The following GRID2 variants were observed in gnomAD, a reference collection of about 807,000 sequenced individuals.
The protein encoded by GRID2 is glutamate receptor ionotropic, delta-2.
A neutral mutation model predicts 114.8 loss-of-function variants in GRID2; 33 were observed. The observed-to-expected ratio is 0.29, with a 90% CI of 0.22 to 0.38. GRID2 has a LOEUF of 0.38. Ranked by LOEUF, GRID2 falls within the 10% of genes least tolerant of loss-of-function variation. The pLI is 1.00. For synonymous variants in GRID2, 505 were observed against 449.9 expected (o/e 1.12, Z -1.55); for missense variants, 1,184 against 1,257.7 (o/e 0.94, Z 0.89).
chr4:93,218,512 A>G (rs1197720122), intron 6 of GRID2, among the ~76,000 whole-genome samples: 4 of 152,084 alleles, frequency 2.6e-5, no homozygotes, highest in African/African-American at 9.7e-5. Context: ...CCCTATTTCA[A>G]AATAAATAGA....
intron 14 of GRID2, among the ~76,000 whole-genome samples, chr4:93,741,834 G>A (rs1261228486): frequency 4.0e-5 from 6 of 149,470 alleles, no homozygotes; most frequent in Non-Finnish European, 8.8e-5. Context: ...TGAAGCAGTA[G>A]AATCACTTGA....
intron 1 of GRID2, among the ~76,000 whole-genome samples, chr4:93,805,688 G>A (rs1031785462): frequency 1.3e-5 from 2 of 152,206 alleles, no homozygotes; most frequent in African/African-American, 4.8e-5. Flanking sequence ...TTCACAGTTT[G>A]TGTCCACATT....
intron 2 of GRID2, among the ~76,000 whole-genome samples, chr4:92,942,762 C>G (rs1751263486): frequency 6.6e-6 from 1 of 152,102 alleles, no homozygotes; most frequent in Non-Finnish European, 1.5e-5. Flanking sequence ...TAGGGCAGGC[C>G]TGGTGTTGAC....
At chr4:93,286,994 A>T (rs910253327) in intron 8 of GRID2, among the ~76,000 whole-genome samples, 1 of 152,096 alleles carries the variant, frequency 6.6e-6, no homozygotes, top group Non-Finnish European at 1.5e-5. Flanking sequence ...AAATGATAGT[A>T]TTATTGTGAA....
At chr4:93,626,478 A>T in intron 14 of GRID2, 43 bp downstream of exon 14, 1 of 1,316,274 alleles carries the variant, frequency 7.6e-7, no homozygotes, top group East Asian at 2.4e-5. Context: ...GATGAAATTT[A>T]GACAAAGAAT....
intron 1 of GRID2, among the ~76,000 whole-genome samples, chr4:92,365,204 T>C (rs1404424375): frequency 2.6e-5 from 4 of 152,164 alleles, no homozygotes; most frequent in Admixed American, 2.0e-4. Context: ...GCATTATTCA[T>C]AATGGCCAAG....
At position 92,304,716 on chromosome 4, in the gene GRID2, G is replaced by T; in HGVS notation, c.60G>T (p.Ser20=). 2 of 1,613,176 alleles carry T rather than the reference G, an allele frequency of 1.2e-6. No individual in the cohort carries two copies. The highest frequency in any genetic ancestry group is 1.7e-6 in the Non-Finnish European group (2 of 1,179,204). ...LSVWWSRTWD[S]ANADSIIHIG... ...TCTGGTGGTCTCGAACCTGGGACTCGGCGAATGCGGATTCGATCATTCACA... is the reference window on the plus strand; with the variant it reads ...TCTGGTGGTCTCGAACCTGGGACTCTGCGAATGCGGATTCGATCATTCACA... The change falls in exon 1 of 16, where the codon TCG becomes TCT. Residue 20 remains serine, a synonymous_variant. Transcript: ENST00000282020.
At chr4:93,182,880 G>T (rs1247042893) in intron 4 of GRID2, among the ~76,000 whole-genome samples, 1 of 152,208 alleles carries the variant, frequency 6.6e-6, no homozygotes, top group East Asian at 1.9e-4. Flanking sequence ...CAAAGTGTTA[G>T]AAAGCAAATT....
chr4:93,188,742 A>G (rs889506062), intron 4 of GRID2, among the ~76,000 whole-genome samples: 3 of 152,292 alleles, frequency 2.0e-5, no homozygotes, highest in Non-Finnish European at 4.4e-5. Flanking sequence ...AGCAATTTAG[A>G]GAAGCCATGC....
chr4:92,754,617 A>C (rs1287227973), intron 2 of GRID2, among the ~76,000 whole-genome samples: 1 of 152,158 alleles, frequency 6.6e-6, no homozygotes, highest in Non-Finnish European at 1.5e-5. Context: ...GACACAGTAC[A>C]AAACACTGTA....
At chr4:93,320,109 T>C (rs1235518876) in intron 8 of GRID2, among the ~76,000 whole-genome samples, 3 of 152,110 alleles carry the variant, frequency 2.0e-5, no homozygotes, top group Non-Finnish European at 4.4e-5. Flanking sequence ...CAAAAGGATC[T>C]GTATGGAATA....
At chr4:93,238,632 C>T in intron 8 of GRID2, 142 bp downstream of exon 8, 1 of 577,070 alleles carries the variant, frequency 1.7e-6, no homozygotes, top group Non-Finnish European at 2.9e-6. Context: ...GGAAATTAGG[C>T]ATTGAAATGA....
rs115656967 is a variant in GRID2, at chr4:92,693,611, G to C, written c.244+103325G>C. ...GACTATATTCCCATCTTAAGTTAGA[G>C]AATACTGAGACTCACAGACATTTAG... On this transcript the variant is annotated intron_variant, in intron 2 of 15. Transcript: ENST00000282020. Among the ~76,000 whole-genome samples the C allele has an allele frequency of 5.9e-5, 9 of 152,246 alleles. No individual in the cohort carries two copies. In the East Asian group the frequency reaches 1.4e-3, roughly 23 times the overall value.
chr4:92,849,033 G>A (rs929245823), intron 2 of GRID2, among the ~76,000 whole-genome samples: 5 of 151,890 alleles, frequency 3.3e-5, no homozygotes, highest in Non-Finnish European at 7.4e-5. Flanking sequence ...TCTGTTATAA[G>A]AGGCTTAATA....
chr4:93,270,613 T>C (rs1751348115), intron 8 of GRID2, among the ~76,000 whole-genome samples: 1 of 152,012 alleles, frequency 6.6e-6, no homozygotes, highest in Non-Finnish European at 1.5e-5. Flanking sequence ...TTTCTTCTTC[T>C]TGTTTTTGTT....
intron 2 of GRID2, among the ~76,000 whole-genome samples, chr4:93,021,830 A>G (rs1455213663): frequency 6.8e-6 from 1 of 146,796 alleles, no homozygotes; most frequent in African/African-American, 2.5e-5. Context: ...CTTATATAAT[A>G]AATATTATTT....
chr4:92,433,944 G>C (rs1220020289), intron 1 of GRID2, among the ~76,000 whole-genome samples: 5 of 152,178 alleles, frequency 3.3e-5, no homozygotes, highest in Admixed American at 1.3e-4. Context: ...GAAGAACCTA[G>C]AATGAGGCCA....
intron 3 of GRID2, among the ~76,000 whole-genome samples, chr4:93,090,014 A>G (rs1730642071): frequency 6.6e-6 from 1 of 152,144 alleles, no homozygotes; most frequent in African/African-American, 2.4e-5. Context: ...TCCTGTTTTC[A>G]AAATGTGTAG....
chr4:93,042,295 CTCTCTATA>C lies in GRID2; in HGVS notation c.245-42698_245-42691del, dbSNP rs772982869. On this transcript the variant is annotated intron_variant, in intron 2 of 15. Coordinates refer to ENST00000282020, the MANE Select transcript of GRID2 (RefSeq NM_001510.4). Reference sequence around the variant, plus strand: ...TCTCTTTCTCTCTCTCTCTCTCTCTCTCTCTATATATATATATATATATACACCTATTT... The same window carrying C: ...TCTCTTTCTCTCTCTCTCTCTCTCTCTATATATATATATATACACCTATTT... Among the ~76,000 whole-genome samples, 95 of 95,140 alleles carry C rather than the reference CTCTCTATA, an allele frequency of 1.0e-3. 1 individual carries two copies. The highest frequency in any genetic ancestry group is 4.5e-3 in the South Asian group (13 of 2,886). The allele number at this position is 95,140 out of a possible 152,430, so 62.4% of individuals were successfully genotyped here.
Sources: gnomAD v4.1 joint callset for allele counts (sites outside exome capture counted in the v4.1 genomes callset) on GRCh38, gnomAD v4.1.1 for gene constraint, MANE v1.5 for transcripts, NCBI Gene and HGNC (gene_info 2026-07-23, HGNC 2026-07-21) for gene names.